Variants in PLAG1 observed in about 807,000 individuals in gnomAD.
PLAG1 encodes zinc finger protein PLAG1.
A neutral mutation model predicts 35.5 loss-of-function variants in PLAG1; 7 were observed. That is an observed-to-expected ratio of 0.20 (90% confidence interval 0.11 to 0.37). PLAG1 has a LOEUF of 0.37. Among genes scored for constraint, PLAG1 ranks in the 10% least tolerant of loss-of-function variants. The pLI is 1.00. For synonymous variants in PLAG1, 229 were observed against 225.4 expected, an observed-to-expected ratio of 1.02 and a Z score of -0.14; for missense variants, 454 against 602.8, an observed-to-expected ratio of 0.75 and a Z score of 2.58.
chr8:56,178,991 T>G (rs1811787975), intron 2 of PLAG1, among the ~76,000 whole-genome samples: 1 of 119,918 alleles, frequency 8.3e-6, no homozygotes, highest in Non-Finnish European at 1.6e-5. Flanking sequence ...CCTCTCCACC[T>G]GCCCATAGGT....
intron 1 of PLAG1, among the ~76,000 whole-genome samples, chr8:56,196,668 C>T (rs774900030): frequency 1.3e-5 from 2 of 152,122 alleles, no homozygotes; most frequent in African/African-American, 4.8e-5. Flanking sequence ...AGCGTGTGCA[C>T]ATCTCTTGAC....
intron 1 of PLAG1, among the ~76,000 whole-genome samples, chr8:56,196,945 A>AGTGTGTGTGTGTGT (rs1366304305): frequency 1.9e-4 from 16 of 84,202 alleles, no homozygotes; most frequent in African/African-American, 5.4e-4. Context: ...CTCCCTCCCT[A>AGTGTGTGTGTGTGT]GTGTGCGTGT....
At chr8:56,171,671 C>A (rs1255050294) in intron 2 of PLAG1, among the ~76,000 whole-genome samples, 1 of 152,198 alleles carries the variant, frequency 6.6e-6, no homozygotes, top group Non-Finnish European at 1.5e-5. Flanking sequence ...GGGGGCCTCT[C>A]AGAGCTACAC....
chr8:56,166,631 T>C lies in PLAG1; in HGVS notation c.1115A>G (p.Gln372Arg). The change falls in exon 5 of 5, where the codon CAA becomes CGA. Residue 372 changes from glutamine to arginine, a missense_variant. Gln to Arg is a conservative substitution (Grantham distance 43, BLOSUM62 1). Transcript: ENST00000316981. ...ELQGGVPSSS[Q>R]DSQASSSSKL... ...AGATGATGACGATGCTTGAGAATCT[T>C]GGGATGAAGAGGGCACGCCACCTTG... 1.2e-6 allele frequency: 2 copies of C among 1,614,068 alleles called. No homozygotes were observed. The highest frequency in any genetic ancestry group is 1.7e-6 in the Non-Finnish European group (2 of 1,179,990).
chr8:56,201,479 C>A (rs1563394434), intron 1 of PLAG1, among the ~76,000 whole-genome samples: 1 of 152,220 alleles, frequency 6.6e-6, no homozygotes, highest in South Asian at 2.1e-4. Flanking sequence ...TCCTTATGTA[C>A]AGCTTAAAGA....
At chr8:56,196,189 C>T (rs971784264) in intron 1 of PLAG1, among the ~76,000 whole-genome samples, 2 of 152,048 alleles carry the variant, frequency 1.3e-5, no homozygotes, top group Admixed American at 6.5e-5. Context: ...ACTTCACACC[C>T]GCAGGAAAAT....
rs1360705524 is a variant in PLAG1 at position 56,211,269 on chromosome 8, T to A, written c.-470A>T. The A allele has an allele frequency of 5.8e-6, 1 of 172,680 alleles. No homozygotes were observed. The allele number at this position is 172,680 out of a possible 1,614,324, so 10.7% of individuals were successfully genotyped here. On this transcript the variant is annotated 5_prime_UTR_variant, in exon 1 of 5. Coordinates refer to ENST00000316981, the MANE Select transcript of PLAG1 (RefSeq NM_002655.3). ...CCTCTTTCCAGCAGCCATTGTAGTG[T>A]ATGCGCTGCCCCTGCAGCCCAACTT...
At chr8:56,186,465 G>C (rs1393808476) in intron 1 of PLAG1, among the ~76,000 whole-genome samples, 1 of 151,864 alleles carries the variant, frequency 6.6e-6, no homozygotes, top group East Asian at 1.9e-4. Context: ...TCCGCCTCCT[G>C]GGCTCAAGTG....
At chr8:56,170,116 A>G (rs1474039017) in intron 3 of PLAG1, among the ~76,000 whole-genome samples, 1 of 152,230 alleles carries the variant, frequency 6.6e-6, no homozygotes, top group Non-Finnish European at 1.5e-5. Context: ...AAATACAGCA[A>G]TTATCCACTC....
chr8:56,162,494 C>T lies in PLAG1; in HGVS notation c.*3749G>A, dbSNP rs1811231690. On this transcript the variant is annotated 3_prime_UTR_variant, in exon 5 of 5. Transcript: ENST00000316981. ...CCATCTACCATTTTTGTACACAAAG[C>T]ATTATATATCAAAGGCCTACATATA... 1 of 215,570 alleles carries T rather than the reference C, an allele frequency of 4.6e-6. No individual in the cohort carries two copies. Among genetic ancestry groups the T allele is most frequent in the South Asian group, 1.8e-4 (1 of 5,412 alleles). The allele number at this position is 215,570 out of a possible 1,614,324, so 13.4% of individuals were successfully genotyped here. A position where few individuals can be genotyped will look rare whatever the true frequency, so the allele number is the denominator to read the frequency against.
At position 56,160,909 on chromosome 8, in the gene PLAG1, TA is replaced by T. The variant is rs1811177285; in HGVS notation, c.*5333del. On this transcript the variant is annotated 3_prime_UTR_variant, in exon 5 of 5. Transcript: ENST00000316981. ...AAATTTCAGGAAGATCTACATTATC[TA>T]AAGCCATTCTATAATTTTATTCATA... 1 of 174,684 alleles carries T rather than the reference TA, an allele frequency of 5.7e-6. No homozygotes were observed. Among genetic ancestry groups the T allele is most frequent in the South Asian group, 2.0e-4 (1 of 5,034 alleles). The allele number at this position is 174,684 out of a possible 1,614,324, so 10.8% of individuals were successfully genotyped here. A position where few individuals can be genotyped will look rare whatever the true frequency, so the allele number is the denominator to read the frequency against.
intron 3 of PLAG1, among the ~76,000 whole-genome samples, chr8:56,169,491 A>G (rs751663042): frequency 6.6e-6 from 1 of 152,084 alleles, no homozygotes; most frequent in Non-Finnish European, 1.5e-5. Flanking sequence ...AAGAAAACCA[A>G]CTCCTCAAAG....
At chr8:56,200,677 C>G (rs1241599178) in intron 1 of PLAG1, among the ~76,000 whole-genome samples, 1 of 152,188 alleles carries the variant, frequency 6.6e-6, no homozygotes, top group African/African-American at 2.4e-5. Context: ...CCTCTCCAGT[C>G]AGACTGGTCT....
At chr8:56,187,188 G>A (rs1261278423) in intron 1 of PLAG1, among the ~76,000 whole-genome samples, 1 of 152,116 alleles carries the variant, frequency 6.6e-6, no homozygotes, top group Non-Finnish European at 1.5e-5. Context: ...TCCTCAGTTT[G>A]CCCCCATTCC....
chr8:56,191,051 G>T (rs549294466), intron 1 of PLAG1, among the ~76,000 whole-genome samples: 7 of 152,178 alleles, frequency 4.6e-5, no homozygotes, highest in African/African-American at 7.2e-5. Context: ...CCCATGACAG[G>T]GCTGGAGAGT....
rs1811198908 is a variant in PLAG1, at chr8:56,161,484, G to A, written c.*4759C>T. 4.4e-6 allele frequency: 1 copy of A among 225,548 alleles called. No homozygotes were observed. Among genetic ancestry groups the A allele is most frequent in the Non-Finnish European group, 8.9e-6 (1 of 112,934 alleles). The allele number at this position is 225,548 out of a possible 1,614,324, so 14.0% of individuals were successfully genotyped here. A position where few individuals can be genotyped will look rare whatever the true frequency, so the allele number is the denominator to read the frequency against. On this transcript the variant is annotated 3_prime_UTR_variant, in exon 5 of 5. Transcript: ENST00000316981. ...CAGTTTTTGTTAAATTCAAAGGGCTGTTAGTAACATACAGCATGTTCTTCA... is the reference window on the plus strand; with the variant it reads ...CAGTTTTTGTTAAATTCAAAGGGCTATTAGTAACATACAGCATGTTCTTCA...
chr8:56,195,798 A>G (rs1812344581), intron 1 of PLAG1, among the ~76,000 whole-genome samples: 1 of 152,150 alleles, frequency 6.6e-6, no homozygotes, highest in Non-Finnish European at 1.5e-5. Context: ...GGAGGGGGCC[A>G]GCGCCCAGGG....
chr8:56,181,388 T>TA lies in PLAG1; in HGVS notation c.-321-1876dup, dbSNP rs1356767618. On this transcript the variant is annotated intron_variant, in intron 1 of 4. Coordinates refer to ENST00000316981, the MANE Select transcript of PLAG1 (RefSeq NM_002655.3). ...TACACCATGGAATACTATGCCGCCA[T>TA]AAAAAAGGATGAGTTCATGTCCTTT... Among the ~76,000 whole-genome samples the TA allele has an allele frequency of 9.9e-5, 15 of 152,216 alleles. No individual in the cohort carries two copies. The East Asian group carries it at 2.3e-3, about 23-fold the overall frequency.
At chr8:56,181,265 C>T (rs186531144) in intron 1 of PLAG1, among the ~76,000 whole-genome samples, 1 of 152,254 alleles carries the variant, frequency 6.6e-6, no homozygotes, top group Admixed American at 6.5e-5. Context: ...GACACATGCA[C>T]ATGTATGTTT....
Sources: gnomAD v4.1 joint callset for allele counts (sites outside exome capture counted in the v4.1 genomes callset) on GRCh38, gnomAD v4.1.1 for gene constraint, MANE v1.5 for transcripts, NCBI Gene and HGNC (gene_info 2026-07-23, HGNC 2026-07-21) for gene names.